SNX16: variants seen among roughly 807,000 people sequenced by gnomAD.
SNX16 encodes sorting nexin 16.
SNX16 carries 35 observed loss-of-function variants against 36.7 expected under a neutral mutation model. The ratio of observed to expected loss-of-function variants is 0.95; its 90% CI spans 0.73 to 1.27. The LOEUF (loss-of-function observed/expected upper bound fraction) is 1.27, where lower values mean the gene tolerates loss of function less well. Ranked by LOEUF, SNX16 falls within the 50% of genes most tolerant of loss-of-function variation. The probability of loss-of-function intolerance (pLI) is 0.00; values close to 1 mark genes in which losing one functional copy is unlikely to be tolerated. For synonymous variants in SNX16, 134 were observed against 132.0 expected, an observed-to-expected ratio of 1.02 and a Z score of -0.10; for missense variants, 367 against 393.6, an observed-to-expected ratio of 0.93 and a Z score of 0.57.
In SNX16 at chr8:81,840,069, T is replaced by C. The variant is rs1811675354; in HGVS notation, c.-83A>G. ...AATATGCAATCCATTATTTTCTTCTTAGGAATTCACTATCTAAAAATGAAA... is the reference window on the plus strand; with the variant it reads ...AATATGCAATCCATTATTTTCTTCTCAGGAATTCACTATCTAAAAATGAAA... On this transcript the variant is annotated 5_prime_UTR_variant, in exon 2 of 8. Transcript: ENST00000345957. The C allele has an allele frequency of 1.4e-6, 2 of 1,442,916 alleles. No homozygotes were observed. The highest frequency in any genetic ancestry group is 1.8e-6 in the Non-Finnish European group (2 of 1,081,736). 89.4% of individuals were successfully genotyped at this position (1,442,916 alleles called of 1,614,324 possible). A position where few individuals can be genotyped will look rare whatever the true frequency, so the allele number is the denominator to read the frequency against.
At chr8:81,817,019 CATT>C (rs2130670256) in intron 4 of SNX16, among the ~76,000 whole-genome samples, 1 of 152,228 alleles carries the variant, frequency 6.6e-6, no homozygotes, top group East Asian at 1.9e-4. Flanking sequence ...TCTATCCACC[CATT>C]ATTTATACTG....
Position 81,839,667 on chromosome 8 carries a change from G to A in SNX16, c.320C>T (p.Pro107Leu), listed in dbSNP as rs753273445. ...ATAACCCAGTATAGTAGGTGTAGAT[G>A]GTCTATCTTCCCAATTCACTGTTTC... The part of the protein sequence containing the change: ...NPETVNWEDR[P>L]STPTILGYEV... Residue 107 changes from proline to leucine, a missense_variant, in exon 2 of 8, where the codon CCA becomes CTA. Coordinates refer to ENST00000345957, the MANE Select transcript of SNX16 (RefSeq NM_152836.3). The A allele has an allele frequency of 6.2e-7, 1 of 1,611,940 alleles. No individual in the cohort carries two copies. Among genetic ancestry groups the A allele is most frequent in the East Asian group, 2.2e-5 (1 of 44,790 alleles).
Position 81,831,062 on chromosome 8 carries a change from A to T in SNX16, c.376-1546T>A, listed in dbSNP as rs564789103. ...AGGGCTTGGATAACTGGCTAGCTATATGCAGAAAAATGAAACTGGAGCTCT... is the reference window on the plus strand; with the variant it reads ...AGGGCTTGGATAACTGGCTAGCTATTTGCAGAAAAATGAAACTGGAGCTCT... On this transcript the variant is annotated intron_variant, in intron 2 of 7. Transcript: ENST00000345957. 7.9e-5 allele frequency among the ~76,000 whole-genome samples: 12 copies of T among 152,320 alleles called. No individual in the cohort carries two copies. The South Asian group carries it at 2.5e-3, about 32-fold the overall frequency.
chr8:81,807,492 C>T (rs374099086), intron 5 of SNX16, among the ~76,000 whole-genome samples: 9 of 122,832 alleles, frequency 7.3e-5, no homozygotes, highest in African/African-American at 2.5e-4. Context: ...GCACTCCAGC[C>T]TGGGTGACAG....
At chr8:81,830,577 G>T (rs966746848) in intron 2 of SNX16, among the ~76,000 whole-genome samples, 2 of 119,662 alleles carry the variant, frequency 1.7e-5, no homozygotes, top group Non-Finnish European at 3.5e-5. Context: ...CCGTCTAGGG[G>T]GTAAAAAAAA....
intron 2 of SNX16, among the ~76,000 whole-genome samples, chr8:81,832,690 A>C (rs1210198705): frequency 6.6e-6 from 1 of 151,906 alleles, no homozygotes; most frequent in African/African-American, 2.4e-5. Flanking sequence ...AAGTCAATGT[A>C]TTTTTAAAAG....
At chr8:81,815,079 T>G (rs903877037) in intron 5 of SNX16, 1 of 204,854 alleles carries the variant, frequency 4.9e-6, no homozygotes, top group African/African-American at 2.3e-5. Flanking sequence ...GTAAAAATAA[T>G]GCAGGATTTA....
At chr8:81,824,859 G>T (rs1172987906) in intron 3 of SNX16, among the ~76,000 whole-genome samples, 4 of 152,134 alleles carry the variant, frequency 2.6e-5, no homozygotes, top group Non-Finnish European at 5.9e-5. Context: ...ATTATGCAAT[G>T]AATTCAGGCC....
At chr8:81,823,268 C>G (rs1385391417) in intron 4 of SNX16, among the ~76,000 whole-genome samples, 1 of 151,614 alleles carries the variant, frequency 6.6e-6, no homozygotes, top group African/African-American at 2.4e-5. Context: ...AACCACTAAG[C>G]AATTTTCTTG....
At chr8:81,808,672 A>C in intron 5 of SNX16, 2 of 996,348 alleles carry the variant, frequency 2.0e-6, no homozygotes, top group Non-Finnish European at 3.2e-6. Context: ...AAACCACGAA[A>C]CCAAGGTGGC....
intron 1 of SNX16, among the ~76,000 whole-genome samples, chr8:81,841,222 T>A (rs527504666): frequency 6.6e-6 from 1 of 150,690 alleles, no homozygotes; most frequent in South Asian, 2.1e-4. Flanking sequence ...AGGCCTATAA[T>A]CCCAGCTACT....
At chr8:81,823,409 G>T (rs1374750942) in intron 4 of SNX16, among the ~76,000 whole-genome samples, 1 of 151,446 alleles carries the variant, frequency 6.6e-6, no homozygotes, top group South Asian at 2.1e-4. Context: ...GCATTACTTT[G>T]GAGAAATATA....
intron 2 of SNX16, among the ~76,000 whole-genome samples, chr8:81,838,424 CAG>C (rs1350901213): frequency 8.6e-5 from 13 of 151,958 alleles, no homozygotes; most frequent in Non-Finnish European, 1.5e-5. Context: ...TTAATTAAGA[CAG>C]TGTGAAATTA....
intron 5 of SNX16, among the ~76,000 whole-genome samples, chr8:81,811,822 T>G (rs1475741456): frequency 6.6e-6 from 1 of 152,114 alleles, no homozygotes; most frequent in African/African-American, 2.4e-5. Flanking sequence ...GGCAGTCAAT[T>G]GAAGCTATCT....
intron 1 of SNX16, 65 bp from the exon 2 acceptor site, chr8:81,840,147 TA>T (rs1811680145): frequency 1.3e-6 from 1 of 766,574 alleles, no homozygotes; most frequent in Admixed American, 2.8e-5. Flanking sequence ...AAAAGAAAAG[TA>T]TTCTTTTCAA....
intron 4 of SNX16, among the ~76,000 whole-genome samples, chr8:81,817,836 A>G (rs1810562430): frequency 6.6e-6 from 1 of 152,244 alleles, no homozygotes; most frequent in Middle Eastern, 3.4e-3. Context: ...CACTGACTAC[A>G]TAACTTTATT....
intron 7 of SNX16, among the ~76,000 whole-genome samples, chr8:81,801,795 G>C (rs992754944): frequency 2.6e-5 from 4 of 151,574 alleles, no homozygotes; most frequent in African/African-American, 9.7e-5. Flanking sequence ...AAGACCTTTG[G>C]AGATAGGTTT....
chr8:81,838,309 C>CT (rs1563457693), intron 2 of SNX16, among the ~76,000 whole-genome samples: 1 of 152,028 alleles, frequency 6.6e-6, no homozygotes, highest in Non-Finnish European at 1.5e-5. Context: ...ATCTATAGAT[C>CT]TAACAAAATC....
At chr8:81,808,196 G>A (rs1810056089) in intron 5 of SNX16, 2 of 1,332,730 alleles carry the variant, frequency 1.5e-6, no homozygotes, top group Non-Finnish European at 1.1e-6. Flanking sequence ...GACCAAGGCA[G>A]TGGCAAGAAA....
Sources: gnomAD v4.1 joint callset for allele counts (sites outside exome capture counted in the v4.1 genomes callset) on GRCh38, gnomAD v4.1.1 for gene constraint, MANE v1.5 for transcripts, NCBI Gene and HGNC (gene_info 2026-07-23, HGNC 2026-07-21) for gene names.